Variants in KCTD17 observed in about 807,000 individuals in gnomAD.
KCTD17 encodes BTB/POZ domain-containing protein KCTD17.
A neutral mutation model predicts 41.5 loss-of-function variants in KCTD17; 20 were observed. The ratio of observed to expected loss-of-function variants is 0.48; its 90% CI spans 0.34 to 0.70. The LOEUF is 0.70. Ranked by LOEUF, KCTD17 falls within the 30% of genes least tolerant of loss-of-function variation. The probability of loss-of-function intolerance (pLI) is 0.01; values close to 1 mark genes in which losing one functional copy is unlikely to be tolerated. For missense variants in KCTD17, 317 were observed against 427.2 expected (o/e 0.74, Z 2.27); for synonymous variants, 156 against 173.8 (o/e 0.90, Z 0.80).
chr22:37,060,675 C>G lies in KCTD17; in HGVS notation c.613-148C>G, dbSNP rs1925672220. ...GCTGCCCAGGGGACCGGAGAAGATG[C>G]CCCCAGCTTCTGTGGCTGGAGCCCT... On this transcript the variant is annotated intron_variant, in intron 5 of 8. Coordinates refer to ENST00000403888, the MANE Select transcript of KCTD17 (RefSeq NM_001282684.2). 6 of 1,216,260 alleles carry G rather than the reference C, an allele frequency of 4.9e-6. No individual in the cohort carries two copies. In the East Asian group the frequency reaches 1.6e-4, roughly 33 times the overall value. 75.3% of individuals were successfully genotyped at this position (1,216,260 alleles called of 1,614,324 possible).
At chr22:37,052,305 T>A in intron 1 of KCTD17, 1 of 365,334 alleles carries the variant, frequency 2.7e-6, no homozygotes, top group African/African-American at 2.1e-5. Flanking sequence ...AGGCTACTTC[T>A]CCCGCTCTTT....
chr22:37,061,689 T>C lies in KCTD17; in HGVS notation c.875+60T>C. 6.5e-7 allele frequency: 1 copy of C among 1,529,400 alleles called. No individual in the cohort carries two copies. The highest frequency in any genetic ancestry group is 8.8e-7 in the Non-Finnish European group (1 of 1,139,470). 94.7% of individuals were successfully genotyped at this position (1,529,400 alleles called of 1,614,324 possible). Reference sequence around the variant, plus strand: ...AGCGAGGAGGGTGCTCATCTCTTGATCCTTGGACTTGAGCCGAGCTTTCGG... The same window carrying C: ...AGCGAGGAGGGTGCTCATCTCTTGACCCTTGGACTTGAGCCGAGCTTTCGG... On this transcript the variant is annotated intron_variant, in intron 8 of 8. Transcript: ENST00000403888. This position sits in a 1 kb window ranked among gnomAD's most constrained non-coding sequence, Gnocchi z 6.6.
Position 37,061,775 on chromosome 22 carries a change from AGAG to A in KCTD17, c.875+150_875+152del, listed in dbSNP as rs745616930. ...CCTTGGCCTTGGGGGTGAGGCTCTG[AGAG>A]GAGAAGAAAGTTAGGGAGTGGGAAC... On this transcript the variant is annotated intron_variant, in intron 8 of 8. Transcript: ENST00000403888. The surrounding 1 kb of genome is among the most constrained non-coding windows in gnomAD (Gnocchi z 6.6). 27 of 1,433,980 alleles carry A rather than the reference AGAG, an allele frequency of 1.9e-5. No homozygotes were observed. Among genetic ancestry groups the A allele is most frequent in the Middle Eastern group, 1.8e-4 (1 of 5,492 alleles). The allele number at this position is 1,433,980 out of a possible 1,614,324, so 88.8% of individuals were successfully genotyped here.
Position 37,056,345 on chromosome 22 carries a change from C to T in KCTD17, c.324C>T (p.Tyr108=), listed in dbSNP as rs1388072947. The change falls in exon 3 of 9, where the codon TAC becomes TAT. Residue 108 remains tyrosine, a synonymous_variant. Transcript: ENST00000403888. ...GGGTCCTGGAGGAAGCCGAGTTCTA[C>T]AACATCGGCCCGCTGATCCGCATCA... ...EEGVLEEAEF[Y]NIGPLIRIIK... 1 of 1,613,598 alleles carries T rather than the reference C, an allele frequency of 6.2e-7. No individual in the cohort carries two copies. The highest frequency in any genetic ancestry group is 8.5e-7 in the Non-Finnish European group (1 of 1,179,716).
intron 3 of KCTD17, among the ~76,000 whole-genome samples, 177 bp from the exon 4 acceptor site, chr22:37,057,210 GTGCCTGGTAAA>G (rs1274594956): frequency 1.3e-5 from 2 of 152,216 alleles, no homozygotes; most frequent in East Asian, 3.8e-4. Flanking sequence ...AAGTGAGATG[GTGCCTGGTAAA>G]TGCCTGGTGA....
At chr22:37,051,972 C>T (rs1307669436) in intron 1 of KCTD17, 23 bp downstream of exon 1, 2 of 1,424,912 alleles carry the variant, frequency 1.4e-6, no homozygotes, top group Non-Finnish European at 1.8e-6. Flanking sequence ...GGGTGGGCGG[C>T]GAGCGGGCGG....
intron 5 of KCTD17, 22 bp from the exon 6 acceptor site, chr22:37,060,801 G>T: frequency 1.4e-6 from 2 of 1,472,828 alleles, no homozygotes; most frequent in Middle Eastern, 1.9e-4. Context: ...TTTCTTCCCT[G>T]GGTCCGCCGG....
At position 37,053,647 on chromosome 22, in the gene KCTD17, G is replaced by T. The variant is rs1385004952; in HGVS notation, c.298+439G>T. On this transcript the variant is annotated intron_variant, in intron 2 of 8. Transcript: ENST00000403888. This position sits in a 1 kb window ranked among gnomAD's most constrained non-coding sequence, Gnocchi z 4.1. ...GTATCTCAAATTCTGCCTGGTGAGGGCTTGTAAGTGGGTGGAGCGGGTGAC... is the reference window on the plus strand; with the variant it reads ...GTATCTCAAATTCTGCCTGGTGAGGTCTTGTAAGTGGGTGGAGCGGGTGAC... Among the ~76,000 whole-genome samples the T allele has an allele frequency of 6.6e-6, 1 of 152,210 alleles. No individual in the cohort carries two copies. The highest frequency in any genetic ancestry group is 1.5e-5 in the Non-Finnish European group (1 of 68,048).
intron 2 of KCTD17, among the ~76,000 whole-genome samples, chr22:37,054,587 G>A (rs1355357385): frequency 1.3e-5 from 2 of 152,258 alleles, no homozygotes; most frequent in Non-Finnish European, 1.5e-5. Flanking sequence ...CTTACTAGCT[G>A]TGTGACACTG....
chr22:37,052,624 G>A (rs1432834421), intron 1 of KCTD17: 4 of 470,802 alleles, frequency 8.5e-6, no homozygotes, highest in South Asian at 3.1e-5. Flanking sequence ...CAATGTCTCC[G>A]ATCTCTCTGT....
In KCTD17 at chr22:37,056,379, C is replaced by G; in HGVS notation, c.358C>G (p.Arg120Gly). Residue 120 changes from arginine (R) to glycine (G), a missense_variant, in exon 3 of 9, where the codon CGG becomes GGG. Arg to Gly is a moderately radical substitution (Grantham distance 125). Transcript: ENST00000403888. Reference sequence around the variant, plus strand: ...CCCGCTGATCCGCATCATCAAAGACCGGATGGAAGAGAAGGACTACACGGT... The same window carrying G: ...CCCGCTGATCCGCATCATCAAAGACGGGATGGAAGAGAAGGACTACACGGT... ...IGPLIRIIKDRMEEKDYTVTQ... is the reference protein window; with the variant it reads ...IGPLIRIIKDGMEEKDYTVTQ... 1 of 1,613,570 alleles carries G rather than the reference C, an allele frequency of 6.2e-7. No individual in the cohort carries two copies. Among genetic ancestry groups the G allele is most frequent in the South Asian group, 1.1e-5 (1 of 90,972 alleles).
At chr22:37,052,983 G>T in intron 1 of KCTD17, 117 bp from the exon 2 acceptor site, 5 of 811,328 alleles carry the variant, frequency 6.2e-6, no homozygotes, top group Admixed American at 2.2e-5. Flanking sequence ...GCTACTTTGT[G>T]CCTGCTCCAT....
At position 37,055,703 on chromosome 22, in the gene KCTD17, CTG is replaced by C. The variant is rs1265333128; in HGVS notation, c.299-615_299-614del. Among the ~76,000 whole-genome samples the C allele has an allele frequency of 2.6e-5, 4 of 152,148 alleles. No individual in the cohort carries two copies. The East Asian group carries it at 7.7e-4, about 29-fold the overall frequency. On this transcript the variant is annotated intron_variant, in intron 2 of 8. Coordinates refer to ENST00000403888, the MANE Select transcript of KCTD17 (RefSeq NM_001282684.2). ...ATGAGCTCGTGCAGGGTGTTGCAAA[CTG>C]TAAGGTGAGGCAGTTGGGGGAATGC...
chr22:37,052,352 G>A (rs1924592962), intron 1 of KCTD17: 1 of 370,362 alleles, frequency 2.7e-6, no homozygotes, highest in South Asian at 2.0e-5. Flanking sequence ...GGAGCTAGCT[G>A]GATGGAGGAG....
intron 5 of KCTD17, among the ~76,000 whole-genome samples, chr22:37,060,337 A>G (rs546633383): frequency 7.3e-6 from 1 of 137,170 alleles, no homozygotes; most frequent in African/African-American, 2.7e-5. Flanking sequence ...GCTGCCCTGC[A>G]AGGGTGCAGA....
intron 3 of KCTD17, 85 bp from the exon 4 acceptor site, chr22:37,057,313 G>A (rs529549036): frequency 3.0e-6 from 3 of 986,118 alleles, no homozygotes; most frequent in Non-Finnish European, 4.9e-6. Context: ...GTATGTTGCG[G>A]GGGTGGTGGC....
chr22:37,057,422 G>C lies in KCTD17; in HGVS notation c.415G>C (p.Val139Leu), dbSNP rs947420043. 5 of 1,613,654 alleles carry C rather than the reference G, an allele frequency of 3.1e-6. No individual in the cohort carries two copies. The highest frequency in any genetic ancestry group is 4.2e-6 in the Non-Finnish European group (5 of 1,179,822). Reference sequence around the variant, plus strand: ...GGTCCCACCCAAGCACGTGTACCGCGTGCTGCAGTGCCAGGAGGAGGAGCT... The same window carrying C: ...GGTCCCACCCAAGCACGTGTACCGCCTGCTGCAGTGCCAGGAGGAGGAGCT... ...TQVPPKHVYR[V>L]LQCQEEELTQ... The change falls in exon 4 of 9, where the codon GTG becomes CTG. Residue 139 changes from valine to leucine, a missense_variant. Transcript: ENST00000403888.
In KCTD17 at chr22:37,061,535, G is replaced by T. The variant is rs1267125526; in HGVS notation, c.785-4G>T. 3 of 1,600,676 alleles carry T rather than the reference G, an allele frequency of 1.9e-6. No homozygotes were observed. Among genetic ancestry groups the T allele is most frequent in the East Asian group, 2.2e-5 (1 of 44,826 alleles). ...GGCCTCCTCCTCACGTTTCCTCCTT[G>T]CAGGTTCCCGTCCGCACCCTCTCAG... On this transcript the variant is annotated splice_polypyrimidine_tract_variant and splice_region_variant and intron_variant, in intron 7 of 8. Transcript: ENST00000403888. The surrounding 1 kb of genome is among the most constrained non-coding windows in gnomAD (Gnocchi z 6.6).
At chr22:37,057,968 A>C (rs1186203095) in intron 4 of KCTD17, among the ~76,000 whole-genome samples, 1 of 152,258 alleles carries the variant, frequency 6.6e-6, no homozygotes, top group Non-Finnish European at 1.5e-5. Flanking sequence ...TGCAACATGC[A>C]GGGGAGCCCA....
Sources: gnomAD v4.1 joint callset for allele counts (sites outside exome capture counted in the v4.1 genomes callset) on GRCh38, gnomAD v4.1.1 for gene constraint, Gnocchi (gnomAD v3.1) non-coding constraint, MANE v1.5 for transcripts, NCBI Gene and HGNC (gene_info 2026-07-23, HGNC 2026-07-21) for gene names.